PCGF6: variants seen among roughly 807,000 people sequenced by gnomAD.
PCGF6 encodes polycomb group RING finger protein 6.
A neutral mutation model predicts 45.5 loss-of-function variants in PCGF6; 24 were observed. That is an observed-to-expected ratio of 0.53 (90% CI 0.38 to 0.74). The LOEUF is 0.74. PCGF6 is among the 30% of genes least tolerant of loss of function. The probability of loss-of-function intolerance (pLI) is 0.00; values close to 1 mark genes in which losing one functional copy is unlikely to be tolerated. For missense variants in PCGF6, 356 were observed against 443.2 expected, an observed-to-expected ratio of 0.80 and a Z score of 1.77; for synonymous variants, 152 against 162.1, an observed-to-expected ratio of 0.94 and a Z score of 0.47.
chr10:103,323,837 G>C (rs866667506), intron 8 of PCGF6, among the ~76,000 whole-genome samples: 1 of 152,036 alleles, frequency 6.6e-6, no homozygotes, highest in African/African-American at 2.4e-5. Flanking sequence ...CACCTGCCTC[G>C]ACCTCCCAAA....
intron 7 of PCGF6, among the ~76,000 whole-genome samples, chr10:103,331,500 C>G (rs1263419309): frequency 2.6e-5 from 4 of 152,146 alleles, no homozygotes; most frequent in Non-Finnish European, 5.9e-5. Context: ...TCAGGAGATC[C>G]ACCTGCCTTG....
At chr10:103,346,084 T>A (rs1337364301) in intron 5 of PCGF6, among the ~76,000 whole-genome samples, 1 of 148,812 alleles carries the variant, frequency 6.7e-6, no homozygotes, top group African/African-American at 2.5e-5. Context: ...TAATCCCAGC[T>A]ACTCAGGAGG....
intron 6 of PCGF6, among the ~76,000 whole-genome samples, chr10:103,341,431 A>AT (rs1490636811): frequency 2.1e-5 from 3 of 143,496 alleles, no homozygotes; most frequent in East Asian, 2.1e-4. Flanking sequence ...TAATTTTTGT[A>AT]TTTTTTGTTT....
At chr10:103,316,938 T>C (rs1322495912) in intron 8 of PCGF6, among the ~76,000 whole-genome samples, 2 of 152,216 alleles carry the variant, frequency 1.3e-5, no homozygotes, top group Non-Finnish European at 1.5e-5. Context: ...AGTAATGATA[T>C]GAGATCTTGC....
intron 6 of PCGF6, among the ~76,000 whole-genome samples, chr10:103,342,889 A>G (rs1340990854): frequency 1.3e-5 from 2 of 149,162 alleles, no homozygotes; most frequent in African/African-American, 4.9e-5. Flanking sequence ...ATCATCAACC[A>G]CTACTATGGG....
In PCGF6 at chr10:103,347,300, A is replaced by G. The variant is rs773091034; in HGVS notation, c.614-3T>C. 1.2e-5 allele frequency: 20 copies of G among 1,603,010 alleles called. No individual in the cohort carries two copies. The highest frequency in any genetic ancestry group is 1.6e-5 in the Non-Finnish European group (19 of 1,170,200). On this transcript the variant is annotated splice_polypyrimidine_tract_variant and splice_region_variant and intron_variant, in intron 4 of 9. Transcript: ENST00000369847. ...ATCATGCATTTGCTTTTTTTCTCCT[A>G]AAAAATGATAAAACACAGACTAAAT...
At chr10:103,337,416 C>T (rs1398098451) in intron 6 of PCGF6, among the ~76,000 whole-genome samples, 1 of 152,102 alleles carries the variant, frequency 6.6e-6, no homozygotes, top group Admixed American at 6.6e-5. Flanking sequence ...CATGTTGATT[C>T]TTACAACAAT....
chr10:103,327,271 G>T lies in PCGF6; in HGVS notation c.811-639C>A, dbSNP rs563440020. On this transcript the variant is annotated intron_variant, in intron 7 of 9. Transcript: ENST00000369847. The stretch of plus-strand genomic sequence containing the variant: ...TTGTACTCCAGTCTGGGCAACAAGA[G>T]CAAAACTCCGTCTAAAAAACAAACA... 2.0e-5 allele frequency among the ~76,000 whole-genome samples: 3 copies of T among 152,060 alleles called. No individual in the cohort carries two copies. In the South Asian group the frequency reaches 6.2e-4, roughly 32 times the overall value.
chr10:103,306,163 T>C (rs952238495), intron 9 of PCGF6, among the ~76,000 whole-genome samples: 3 of 151,758 alleles, frequency 2.0e-5, no homozygotes, highest in Non-Finnish European at 4.4e-5. Flanking sequence ...AATGGTGCCA[T>C]CTCGGCTCAC....
At chr10:103,321,526 A>AC (rs1456865364) in intron 8 of PCGF6, among the ~76,000 whole-genome samples, 1 of 152,008 alleles carries the variant, frequency 6.6e-6, no homozygotes, top group East Asian at 1.9e-4. Flanking sequence ...ATCCTGGCTA[A>AC]ATGGTGAAAC....
chr10:103,347,546 CT>C, intron 3 of PCGF6, 96 bp from the exon 4 acceptor site: 1 of 978,564 alleles, frequency 1.0e-6, no homozygotes, highest in Admixed American at 2.4e-5. Context: ...GAGTGGGTAT[CT>C]TTTTTCTCAG....
In PCGF6 at chr10:103,306,876, G is replaced by A. The variant is rs143121244; in HGVS notation, c.997-2915C>T. Among the ~76,000 whole-genome samples the A allele has an allele frequency of 1.9e-4, 29 of 152,190 alleles. 1 individual carries two copies. The East Asian group carries it at 5.6e-3, about 29-fold the overall frequency. ...CCTAGCACTTTGGGAGGCCAAGGCA[G>A]GTGGATCACCTGAGCCCAGGAGTTC... On this transcript the variant is annotated intron_variant, in intron 9 of 9. Coordinates refer to ENST00000369847, the MANE Select transcript of PCGF6 (RefSeq NM_001011663.2).
chr10:103,306,928 A>AC (rs2093140167), intron 9 of PCGF6, among the ~76,000 whole-genome samples: 1 of 151,942 alleles, frequency 6.6e-6, no homozygotes, highest in Non-Finnish European at 1.5e-5. Flanking sequence ...ACATAGTGAG[A>AC]CCCCGTCTCT....
chr10:103,305,031 T>G (rs377018836), intron 9 of PCGF6, among the ~76,000 whole-genome samples: 1 of 152,028 alleles, frequency 6.6e-6, no homozygotes, highest in African/African-American at 2.4e-5. Context: ...GGCGCGATCA[T>G]AGCTCACTGT....
At chr10:103,348,253 G>C (rs1040888632) in intron 3 of PCGF6, 1 of 154,234 alleles carries the variant, frequency 6.5e-6, no homozygotes, top group Non-Finnish European at 1.4e-5. Flanking sequence ...ATATTACAGT[G>C]CCTAGTACAT....
chr10:103,349,635 C>T (rs1004387463), intron 1 of PCGF6, among the ~76,000 whole-genome samples: 1 of 150,836 alleles, frequency 6.6e-6, no homozygotes, highest in Admixed American at 6.6e-5. Flanking sequence ...CGCGTGCCAC[C>T]ACGCCCCGCT....
At chr10:103,309,728 A>C (rs1440583622) in intron 9 of PCGF6, among the ~76,000 whole-genome samples, 1 of 152,044 alleles carries the variant, frequency 6.6e-6, no homozygotes, top group East Asian at 1.9e-4. Context: ...TCAGGAGTTC[A>C]AAACCAGCCT....
intron 8 of PCGF6, 28 bp downstream of exon 8, chr10:103,326,506 C>T: frequency 6.9e-7 from 1 of 1,449,114 alleles, no homozygotes; most frequent in South Asian, 1.3e-5. Flanking sequence ...CACAACTTTA[C>T]CTATTCTTTT....
intron 6 of PCGF6, among the ~76,000 whole-genome samples, chr10:103,338,143 A>C (rs565544663): frequency 6.6e-6 from 1 of 152,018 alleles, no homozygotes; most frequent in African/African-American, 2.4e-5. Flanking sequence ...CGGGAGGCTG[A>C]GACAGGAGAA....
Sources: gnomAD v4.1 joint callset for allele counts (sites outside exome capture counted in the v4.1 genomes callset) on GRCh38, gnomAD v4.1.1 for gene constraint, MANE v1.5 for transcripts, NCBI Gene and HGNC (gene_info 2026-07-23, HGNC 2026-07-21) for gene names.